KCNH8: variants seen among roughly 807,000 people sequenced by gnomAD.
KCNH8 encodes the protein potassium voltage-gated channel subfamily H member 8.
A neutral mutation model predicts 103.6 loss-of-function variants in KCNH8; 70 were observed. The ratio of observed to expected loss-of-function variants is 0.68; its 90% CI spans 0.56 to 0.82. KCNH8 has a LOEUF of 0.82. Among genes scored for constraint, KCNH8 ranks in the 40% least tolerant of loss-of-function variants. KCNH8 has a pLI of 0.00. For synonymous variants in KCNH8, 498 were observed against 489.4 expected (o/e 1.02, Z -0.23); for missense variants, 1,217 against 1,329.9 (o/e 0.92, Z 1.32).
Position 19,370,125 on chromosome 3 carries a change from A to T in KCNH8, c.812-20356A>T, listed in dbSNP as rs148057516. Among the ~76,000 whole-genome samples the T allele has an allele frequency of 5.1e-3, 775 of 152,148 alleles. 7 individuals carry two copies. The highest frequency in any genetic ancestry group is 0.017 in the African/African-American group (722 of 41,522). Reference sequence around the variant, plus strand: ...AACTGTTATTAATCCTTTAGGATATAGTTCGCTTGTTATCTCTCGCCTGCC... The same window carrying T: ...AACTGTTATTAATCCTTTAGGATATTGTTCGCTTGTTATCTCTCGCCTGCC... On this transcript the variant is annotated intron_variant, in intron 5 of 15. Transcript: ENST00000328405.
rs954017050 is a variant in KCNH8 at position 19,493,076 on chromosome 3, G to A, written c.2041-17287G>A. ...TATTGATTTTTGTACATTGATTTTT[G>A]TATCCTAAAACCTTACTAAAATTGT... On this transcript the variant is annotated intron_variant, in intron 11 of 15. Transcript: ENST00000328405. Among the ~76,000 whole-genome samples, 5 of 151,938 alleles carry A rather than the reference G, an allele frequency of 3.3e-5. No homozygotes were observed. The South Asian group carries it at 1.0e-3, about 32-fold the overall frequency.
rs556088245 is a variant in KCNH8, at chr3:19,208,561, G to A, written c.77-45093G>A. Among the ~76,000 whole-genome samples the A allele has an allele frequency of 8.6e-5, 13 of 152,018 alleles. No individual in the cohort carries two copies. In the East Asian group the frequency reaches 1.7e-3, roughly 20 times the overall value. ...ATTAATCAAATACTATTAATACACC[G>A]CTGGCTACCATAAGGCATAAATAAT... On this transcript the variant is annotated intron_variant, in intron 1 of 15. Transcript: ENST00000328405.
rs1227602635 is a variant in KCNH8, at chr3:19,337,599, A to G, written c.443-4988A>G. On this transcript the variant is annotated intron_variant, in intron 3 of 15. Coordinates refer to ENST00000328405, the MANE Select transcript of KCNH8 (RefSeq NM_144633.3). The stretch of plus-strand genomic sequence containing the variant: ...CCTAGATTTTCTCCTTTTACTCCGA[A>G]CACTCTTACTAGATAATTTCATAAT... 4.6e-5 allele frequency among the ~76,000 whole-genome samples: 7 copies of G among 152,116 alleles called. No homozygotes were observed. The East Asian group carries it at 1.4e-3, about 29-fold the overall frequency.
chr3:19,376,101 C>G (rs2066194477), intron 5 of KCNH8, among the ~76,000 whole-genome samples: 1 of 152,186 alleles, frequency 6.6e-6, no homozygotes, highest in South Asian at 2.1e-4. Context: ...GGCAGGCAGG[C>G]CTCCTTGAGC....
chr3:19,484,911 A>G (rs1268916929), intron 11 of KCNH8, among the ~76,000 whole-genome samples: 1 of 152,196 alleles, frequency 6.6e-6, no homozygotes, highest in Non-Finnish European at 1.5e-5. Context: ...CCTATGATAC[A>G]GTATTTCATA....
chr3:19,160,150 G>C (rs2063220020), intron 1 of KCNH8, among the ~76,000 whole-genome samples: 1 of 152,178 alleles, frequency 6.6e-6, no homozygotes, highest in African/African-American at 2.4e-5. Flanking sequence ...ATTAAAATCA[G>C]AATGCATAAA....
At chr3:19,151,315 C>A (rs1380558479) in intron 1 of KCNH8, among the ~76,000 whole-genome samples, 3 of 152,090 alleles carry the variant, frequency 2.0e-5, no homozygotes, top group African/African-American at 7.2e-5. Context: ...TTGCCACCTA[C>A]TCAAAAACTT....
At chr3:19,180,847 A>T (rs368955722) in intron 1 of KCNH8, among the ~76,000 whole-genome samples, 126 of 152,280 alleles carry the variant, frequency 8.3e-4, no homozygotes, top group African/African-American at 2.9e-3. Context: ...TCCATCTGAT[A>T]CTTCTGCTCA....
intron 7 of KCNH8, among the ~76,000 whole-genome samples, chr3:19,426,331 A>G (rs530222122): frequency 6.6e-6 from 1 of 152,162 alleles, no homozygotes; most frequent in East Asian, 1.9e-4. Context: ...ATGCTTCTCA[A>G]AATTGGAGTT....
At chr3:19,357,256 T>C (rs572230353) in intron 5 of KCNH8, among the ~76,000 whole-genome samples, 1 of 151,966 alleles carries the variant, frequency 6.6e-6, no homozygotes, top group East Asian at 1.9e-4. Context: ...GCATCCCCAT[T>C]CCTTCATTTC....
intron 2 of KCNH8, among the ~76,000 whole-genome samples, chr3:19,275,102 T>C (rs1575487765): frequency 6.6e-6 from 1 of 151,218 alleles, no homozygotes; most frequent in East Asian, 2.0e-4. Flanking sequence ...GTTGACAGAA[T>C]CCTACTATAT....
chr3:19,227,410 C>T (rs1399241671), intron 1 of KCNH8, among the ~76,000 whole-genome samples: 1 of 152,260 alleles, frequency 6.6e-6, no homozygotes, highest in East Asian at 1.9e-4. Context: ...TTTTATTCCT[C>T]GAGGTGACCC....
intron 5 of KCNH8, among the ~76,000 whole-genome samples, chr3:19,376,951 G>A (rs1049342724): frequency 6.6e-6 from 1 of 152,212 alleles, no homozygotes; most frequent in African/African-American, 2.4e-5. Context: ...CAGCAATGCT[G>A]TGCACAGGTA....
At chr3:19,344,120 C>T (rs1474577731) in intron 4 of KCNH8, among the ~76,000 whole-genome samples, 1 of 151,918 alleles carries the variant, frequency 6.6e-6, no homozygotes, top group Non-Finnish European at 1.5e-5. Flanking sequence ...GATCCTTCCA[C>T]TGGTGCCTAT....
At chr3:19,198,464 G>C (rs1216849817) in intron 1 of KCNH8, among the ~76,000 whole-genome samples, 3 of 152,094 alleles carry the variant, frequency 2.0e-5, no homozygotes, top group South Asian at 2.1e-4. Context: ...AGAAGTCACA[G>C]AGGTCCATCC....
At chr3:19,302,258 G>T (rs747365149) in intron 3 of KCNH8, among the ~76,000 whole-genome samples, 1 of 152,082 alleles carries the variant, frequency 6.6e-6, no homozygotes, top group African/African-American at 2.4e-5. Flanking sequence ...GGCTTACTGT[G>T]AATAACAAAA....
At chr3:19,180,592 T>A (rs2063442328) in intron 1 of KCNH8, among the ~76,000 whole-genome samples, 1 of 152,196 alleles carries the variant, frequency 6.6e-6, no homozygotes, top group Non-Finnish European at 1.5e-5. Flanking sequence ...TTTCTGAACT[T>A]GACTTCAGGC....
intron 1 of KCNH8, among the ~76,000 whole-genome samples, chr3:19,213,912 T>A (rs951933102): frequency 6.6e-6 from 1 of 151,552 alleles, no homozygotes; most frequent in East Asian, 1.9e-4. Context: ...AGCCTGCAGC[T>A]TCAGCATGGC....
At chr3:19,357,564 A>C (rs929441450) in intron 5 of KCNH8, among the ~76,000 whole-genome samples, 1 of 151,950 alleles carries the variant, frequency 6.6e-6, no homozygotes, top group Non-Finnish European at 1.5e-5. Context: ...TTTCAAAGGA[A>C]ATAGAATGTC....
Sources: gnomAD v4.1 joint callset for allele counts (sites outside exome capture counted in the v4.1 genomes callset) on GRCh38, gnomAD v4.1.1 for gene constraint, MANE v1.5 for transcripts, NCBI Gene and HGNC (gene_info 2026-07-23, HGNC 2026-07-21) for gene names.